The following MYLK variants were observed in gnomAD, a reference collection of about 807,000 sequenced individuals.
The protein encoded by MYLK is myosin light chain kinase, smooth muscle.
Under a neutral mutation model 203.4 loss-of-function variants are expected in MYLK, and 106 were observed. The observed-to-expected ratio is 0.52, with a 90% CI of 0.45 to 0.61. The LOEUF (loss-of-function observed/expected upper bound fraction) is 0.61. MYLK is among the 20% of genes least tolerant of loss of function. The pLI is 0.00. For missense variants in MYLK, 2,072 were observed against 2,442.3 expected, an observed-to-expected ratio of 0.85 and a Z score of 3.20; for synonymous variants, 867 against 959.5, an observed-to-expected ratio of 0.90 and a Z score of 1.78.
intron 11 of MYLK, among the ~76,000 whole-genome samples, chr3:123,730,616 C>T (rs966505726): frequency 1.3e-5 from 2 of 152,164 alleles, no homozygotes; most frequent in African/African-American, 4.8e-5. Context: ...CACAGATGAA[C>T]CCTGAAAACA....
At chr3:123,710,683 C>T (rs1237792537) in intron 13 of MYLK, among the ~76,000 whole-genome samples, 4 of 152,204 alleles carry the variant, frequency 2.6e-5, no homozygotes, top group African/African-American at 7.2e-5. Context: ...AAAAGTTAAA[C>T]ATATACTTCC....
rs748062891 is a variant in MYLK, at chr3:123,692,856, G to A, written c.3449-5C>T. ...TGGAGACGGAGCAGAGTGAGCCTGG[G>A]GAGGAAGAATTGTGGAGTGAACCAG... On this transcript the variant is annotated splice_region_variant and splice_polypyrimidine_tract_variant and intron_variant, in intron 18 of 33. Coordinates refer to ENST00000360304, the MANE Select transcript of MYLK (RefSeq NM_053025.4). 6.2e-7 allele frequency: 1 copy of A among 1,612,286 alleles called. No homozygotes were observed. Among genetic ancestry groups the A allele is most frequent in the Non-Finnish European group, 8.5e-7 (1 of 1,178,470 alleles).
chr3:123,835,561 C>T (rs1365562651), intron 2 of MYLK, among the ~76,000 whole-genome samples: 4 of 152,090 alleles, frequency 2.6e-5, no homozygotes. Flanking sequence ...AACTTGTATT[C>T]CTGTTTGAAT....
intron 1 of MYLK, among the ~76,000 whole-genome samples, chr3:123,877,400 C>A (rs1409730576): frequency 6.6e-6 from 1 of 152,108 alleles, no homozygotes; most frequent in Non-Finnish European, 1.5e-5. Context: ...TACAGAGAAG[C>A]CACAGTTAAT....
chr3:123,752,198 G>A (rs1462477607), intron 5 of MYLK, 133 bp downstream of exon 5: 31 of 927,088 alleles, frequency 3.3e-5, no homozygotes, highest in East Asian at 1.2e-4. Flanking sequence ...TGGAAGGTCC[G>A]GGGTTCAAGG....
intron 2 of MYLK, among the ~76,000 whole-genome samples, chr3:123,840,370 T>TTATATATATATATATATATATATATATA (rs56361020): frequency 2.7e-5 from 4 of 148,712 alleles, no homozygotes; most frequent in African/African-American, 7.4e-5. Context: ...CCTACAGACA[T>TTATATATATATATATATATATATATATA]TATATATATA....
At chr3:123,723,632 A>G (rs1422262377) in intron 12 of MYLK, among the ~76,000 whole-genome samples, 1 of 152,254 alleles carries the variant, frequency 6.6e-6, no homozygotes, top group African/African-American at 2.4e-5. Flanking sequence ...GGCCCCAGAA[A>G]GGAGCTGTTG....
At chr3:123,757,481 T>A (rs563601012) in intron 4 of MYLK, among the ~76,000 whole-genome samples, 1 of 152,164 alleles carries the variant, frequency 6.6e-6, no homozygotes, top group East Asian at 1.9e-4. Context: ...ATAGGTCACA[T>A]GAGCAGGAAG....
chr3:123,871,554 TTCTG>T (rs1417545870), intron 2 of MYLK, among the ~76,000 whole-genome samples: 2 of 152,196 alleles, frequency 1.3e-5, no homozygotes, highest in Non-Finnish European at 1.5e-5. Context: ...TTTATAAATA[TTCTG>T]TCTTTTAGAT....
chr3:123,857,549 A>G (rs2031513193), intron 2 of MYLK, among the ~76,000 whole-genome samples: 1 of 151,696 alleles, frequency 6.6e-6, no homozygotes, highest in African/African-American at 2.4e-5. Flanking sequence ...TCGTAAGAAC[A>G]AAAAACCAAA....
intron 4 of MYLK, among the ~76,000 whole-genome samples, chr3:123,789,219 C>T (rs1306396587): frequency 3.3e-5 from 5 of 152,012 alleles, no homozygotes; most frequent in East Asian, 1.9e-4. Context: ...GTGCACTTCT[C>T]GCCCCACCCT....
In MYLK at chr3:123,647,571, C is replaced by A; in HGVS notation, c.4416-144G>T. The stretch of plus-strand genomic sequence containing the variant: ...GTTACTGGAGCACAGCCCTGCCTGG[C>A]TGTTTGCATGTTGTCTATGGCAGCT... On this transcript the variant is annotated intron_variant, in intron 26 of 33. Coordinates refer to ENST00000360304, the MANE Select transcript of MYLK (RefSeq NM_053025.4). The A allele has an allele frequency of 5.4e-6, 4 of 739,436 alleles. No individual in the cohort carries two copies. In the South Asian group the frequency reaches 6.1e-5, roughly 11 times the overall value. 45.8% of individuals were successfully genotyped at this position (739,436 alleles called of 1,614,324 possible). A position where few individuals can be genotyped will look rare whatever the true frequency, so the allele number is the denominator to read the frequency against.
At chr3:123,748,798 C>T (rs6438807) in intron 5 of MYLK, among the ~76,000 whole-genome samples, 32 of 152,172 alleles carry the variant, frequency 2.1e-4, no homozygotes, top group South Asian at 1.7e-3. Context: ...AGGCCGGGCA[C>T]GGTGGCTCAC....
At position 123,649,147 on chromosome 3, in the gene MYLK, A is replaced by G. The variant is rs2059122845; in HGVS notation, c.4321+15T>C. 1.2e-6 allele frequency: 2 copies of G among 1,613,556 alleles called. No homozygotes were observed. The highest frequency in any genetic ancestry group is 1.7e-5 in the Admixed American group (1 of 59,974). On this transcript the variant is annotated intron_variant, in intron 25 of 33. Transcript: ENST00000360304. ...CACCCCAAGAGCCTGACCCGAAGAC[A>G]GGGGCTGCACTCACCATCATCTGAC...
intron 2 of MYLK, among the ~76,000 whole-genome samples, chr3:123,844,274 T>C (rs1209928052): frequency 6.6e-6 from 1 of 152,112 alleles, no homozygotes; most frequent in Non-Finnish European, 1.5e-5. Context: ...GAAGCCAACT[T>C]GTATAACTTT....
At chr3:123,778,640 A>G (rs1356286667) in intron 4 of MYLK, among the ~76,000 whole-genome samples, 1 of 152,194 alleles carries the variant, frequency 6.6e-6, no homozygotes, top group Non-Finnish European at 1.5e-5. Context: ...AAAATCAGGC[A>G]AGACGCAGAA....
Position 123,682,175 on chromosome 3 carries a change from G to GCCTGCC in MYLK, c.3652+43_3652+48dup, listed in dbSNP as rs756380546. The GCCTGCC allele has an allele frequency of 1.4e-5, 20 of 1,465,348 alleles. 1 individual carries two copies. The Admixed American group carries it at 1.5e-4, about 11-fold the overall frequency. 90.8% of individuals were successfully genotyped at this position (1,465,348 alleles called of 1,614,324 possible). ...TGAGGCTGCCCTCAGTCCCCGGGGT[G>GCCTGCC]CCTGCCCCTGCCTCTGCCTCTGCCT... On this transcript the variant is annotated intron_variant, in intron 20 of 33. Transcript: ENST00000360304.
At chr3:123,655,306 C>G (rs1274738397) in intron 24 of MYLK, among the ~76,000 whole-genome samples, 4 of 152,162 alleles carry the variant, frequency 2.6e-5, no homozygotes, top group Non-Finnish European at 4.4e-5. Flanking sequence ...GAGACTCCAG[C>G]CTCCTCTTGG....
chr3:123,751,655 T>C (rs2063196310), intron 5 of MYLK, among the ~76,000 whole-genome samples: 2 of 152,168 alleles, frequency 1.3e-5, no homozygotes, highest in Non-Finnish European at 2.9e-5. Context: ...GATAAGGCAA[T>C]GAGCAGAGAA....
Sources: gnomAD v4.1 joint callset for allele counts (sites outside exome capture counted in the v4.1 genomes callset) on GRCh38, gnomAD v4.1.1 for gene constraint, MANE v1.5 for transcripts, NCBI Gene and HGNC (gene_info 2026-07-23, HGNC 2026-07-21) for gene names.